The following DLEC1 variants were observed in gnomAD, a reference collection of about 807,000 sequenced individuals.
DLEC1 encodes the protein DLEC1 cilia and flagella associated protein.
DLEC1 carries 146 observed loss-of-function variants against 198.1 expected under a neutral mutation model. The observed-to-expected ratio is 0.74, with a 90% CI of 0.64 to 0.85. DLEC1 has a LOEUF of 0.85. Among genes scored for constraint, DLEC1 ranks in the 40% least tolerant of loss-of-function variants. DLEC1 has a pLI of 0.00. For missense variants in DLEC1, 2,233 were observed against 2,220.0 expected, an observed-to-expected ratio of 1.01 and a Z score of -0.12; for synonymous variants, 897 against 866.8, an observed-to-expected ratio of 1.03 and a Z score of -0.61.
chr3:38,059,363 A>T (rs531390241), intron 2 of DLEC1, among the ~76,000 whole-genome samples: 1 of 152,386 alleles, frequency 6.6e-6, no homozygotes, highest in Non-Finnish European at 1.5e-5. Context: ...ACATGGCCAC[A>T]GTCAGGAGTG....
chr3:38,121,335 G>C (rs1395991370), intron 34 of DLEC1, among the ~76,000 whole-genome samples: 1 of 152,242 alleles, frequency 6.6e-6, no homozygotes, highest in African/African-American at 2.4e-5. Flanking sequence ...ACCACAGGAG[G>C]AGCAGTGAAG....
chr3:38,084,386 AGTGG>A (rs1698257752), intron 7 of DLEC1, 141 bp downstream of exon 7: 1 of 505,744 alleles, frequency 2.0e-6, no homozygotes, highest in African/African-American at 6.7e-5. Context: ...TGGTGGTAGT[AGTGG>A]TAGTAGTAGT....
At chr3:38,073,168 A>C (rs1480789651) in intron 6 of DLEC1, among the ~76,000 whole-genome samples, 2 of 152,144 alleles carry the variant, frequency 1.3e-5, no homozygotes, top group East Asian at 3.9e-4. Context: ...AGAACAGAAC[A>C]CTGAGTTGTG....
intron 2 of DLEC1, among the ~76,000 whole-genome samples, chr3:38,048,443 A>C (rs1559392937): frequency 6.6e-6 from 1 of 152,254 alleles, no homozygotes; most frequent in East Asian, 1.9e-4. Flanking sequence ...TGGAAGATAC[A>C]GTGCCTTAAA....
chr3:38,107,444 G>A lies in DLEC1; in HGVS notation c.2865-140G>A, dbSNP rs574028452. On this transcript the variant is annotated intron_variant, in intron 19 of 36. Transcript: ENST00000308059. ...TGATCTTATATCCTGAAACTTTGCCGAACCCACTCATTAATTCTAGAGTTT... is the reference window on the plus strand; with the variant it reads ...TGATCTTATATCCTGAAACTTTGCCAAACCCACTCATTAATTCTAGAGTTT... The A allele has an allele frequency of 2.4e-4, 201 of 828,940 alleles. 2 individuals are homozygous for A. The East Asian group carries it at 2.9e-3, about 12-fold the overall frequency. 51.3% of individuals were successfully genotyped at this position (828,940 alleles called of 1,614,324 possible).
chr3:38,076,505 G>C lies in DLEC1; in HGVS notation c.1174-7653G>C, dbSNP rs546069791. 1.4e-4 allele frequency among the ~76,000 whole-genome samples: 22 copies of C among 152,208 alleles called. No homozygotes were observed. In the South Asian group the frequency reaches 4.6e-3, roughly 32 times the overall value. ...AGGAGTGGGGGTCGCAAAGTACTCA[G>C]TGGGGGAGCTTTTTGAGCCAGGATG... On this transcript the variant is annotated intron_variant, in intron 6 of 36. Transcript: ENST00000308059.
intron 19 of DLEC1, among the ~76,000 whole-genome samples, chr3:38,105,740 G>C (rs1449495026): frequency 6.6e-6 from 1 of 151,946 alleles, no homozygotes; most frequent in Non-Finnish European, 1.5e-5. Flanking sequence ...CCTTTTGATT[G>C]GATTGTTTAA....
chr3:38,097,961 C>G (rs1221493495), intron 18 of DLEC1, 59 bp downstream of exon 18: 1 of 1,603,048 alleles, frequency 6.2e-7, no homozygotes, highest in Non-Finnish European at 8.5e-7. Flanking sequence ...TTAGCTTGCC[C>G]TGGTGAAACT....
intron 13 of DLEC1, chr3:38,095,660 C>T: frequency 9.2e-6 from 5 of 544,644 alleles, no homozygotes; most frequent in Non-Finnish European, 1.6e-5. Context: ...TTGCTTCTTG[C>T]ACCCAGGCCC....
rs115769489 is a variant in DLEC1 at position 38,108,792 on chromosome 3, C to G, written c.3129+277C>G. Among the ~76,000 whole-genome samples the G allele has an allele frequency of 5.5e-3, 837 of 152,366 alleles. 10 individuals are homozygous for G. Among genetic ancestry groups the G allele is most frequent in the African/African-American group, 0.019 (803 of 41,584 alleles). On this transcript the variant is annotated intron_variant, in intron 21 of 36. Coordinates refer to ENST00000308059, the MANE Select transcript of DLEC1 (RefSeq NM_007335.4). ...GTTTTTGCCCTCCCCAGGCCATTCT[C>G]TGTGGCCGCAGGTGGGCCCAGCTTT...
chr3:38,042,239 C>G (rs965591294), intron 1 of DLEC1, among the ~76,000 whole-genome samples: 1 of 152,094 alleles, frequency 6.6e-6, no homozygotes, highest in Non-Finnish European at 1.5e-5. Context: ...GTGATCTGCC[C>G]GCCTCAGCAT....
chr3:38,067,582 T>C (rs1336803986), intron 6 of DLEC1, among the ~76,000 whole-genome samples: 2 of 152,028 alleles, frequency 1.3e-5, no homozygotes, highest in African/African-American at 4.8e-5. Context: ...TGCTTAGGGG[T>C]GACATAAAAG....
intron 2 of DLEC1, 70 bp downstream of exon 2, chr3:38,045,763 T>C: frequency 1.4e-6 from 2 of 1,472,392 alleles, no homozygotes; most frequent in East Asian, 2.4e-5. Context: ...GTTTGCTCCA[T>C]TGCCCACTCT....
chr3:38,107,860 C>A, intron 20 of DLEC1, 123 bp downstream of exon 20: 2 of 1,145,432 alleles, frequency 1.7e-6, no homozygotes, highest in Non-Finnish European at 2.5e-6. Flanking sequence ...CCTCCCACAG[C>A]CTGTCCCTTG....
At chr3:38,095,248 C>T in intron 13 of DLEC1, 177 bp downstream of exon 13, 1 of 687,194 alleles carries the variant, frequency 1.5e-6, no homozygotes, top group Non-Finnish European at 2.4e-6. Flanking sequence ...GGTGAAGCAG[C>T]TCATTTTGTC....
chr3:38,094,563 C>T (rs762316), intron 12 of DLEC1, among the ~76,000 whole-genome samples: 1 of 152,194 alleles, frequency 6.6e-6, no homozygotes, highest in Non-Finnish European at 1.5e-5. Context: ...GATGTATAGC[C>T]TCTTCCACTT....
chr3:38,090,364 C>A (rs1224932431), intron 10 of DLEC1, among the ~76,000 whole-genome samples: 1 of 152,156 alleles, frequency 6.6e-6, no homozygotes, highest in East Asian at 1.9e-4. Context: ...CATGTTTTTA[C>A]CCCCATTTTT....
Position 38,084,243 on chromosome 3 carries a change from T to G in DLEC1, c.1259T>G (p.Leu420Arg), listed in dbSNP as rs772299960. ...TCCACGCCATACTTCGCTCTGGGAC[T>G]GGGTAAGTTCAGTATTTGTAAGTTC... ...PPSTPYFALG[L>R]GMFPGKGGMV... Residue 420 changes from leucine to arginine, a missense_variant and splice_region_variant, in exon 7 of 37, where the codon CTG becomes CGG. Leu to Arg is a moderately radical substitution (Grantham distance 102). Coordinates refer to ENST00000308059, the MANE Select transcript of DLEC1 (RefSeq NM_007335.4). The G allele has an allele frequency of 1.5e-5, 24 of 1,611,802 alleles. No homozygotes were observed. The South Asian group carries it at 2.6e-4, about 18-fold the overall frequency.
intron 22 of DLEC1, 39 bp downstream of exon 22, chr3:38,109,601 T>C: frequency 1.2e-6 from 2 of 1,612,512 alleles, no homozygotes; most frequent in Non-Finnish European, 8.5e-7. Flanking sequence ...GGCAGTGGAC[T>C]GAGGAATGAG....
Sources: allele counts gnomAD v4.1 joint callset (sites outside exome capture counted in the v4.1 genomes callset), GRCh38; gene constraint gnomAD v4.1.1; transcripts MANE v1.5; gene names NCBI Gene and HGNC (gene_info 2026-07-23, HGNC 2026-07-21).